Variants in CCDC178 observed in about 807,000 individuals in gnomAD.
The protein encoded by CCDC178 is coiled-coil domain-containing protein 178.
In CCDC178, 126 loss-of-function variants were observed where a neutral mutation model predicts 117.4. The ratio of observed to expected loss-of-function variants is 1.07; its 90% CI spans 0.93 to 1.24. The LOEUF is 1.24. Among genes scored for constraint, CCDC178 ranks in the 50% most tolerant of loss-of-function variants. The pLI, the probability that CCDC178 is intolerant of heterozygous loss-of-function variation, is 0.00. For synonymous variants in CCDC178, 283 were observed against 313.4 expected (o/e 0.90, Z 1.02); for missense variants, 1,030 against 986.9 (o/e 1.04, Z -0.59).
chr18:33,408,445 CATT>C (rs1342136414), intron 3 of CCDC178, among the ~76,000 whole-genome samples: 2 of 151,624 alleles, frequency 1.3e-5, no homozygotes, highest in African/African-American at 2.4e-5. Context: ...ATTTAACAAA[CATT>C]AGTGAATAGG....
chr18:32,956,603 C>A (rs1356899329), intron 22 of CCDC178: 1 of 152,180 alleles, frequency 6.6e-6, no homozygotes, highest in Non-Finnish European at 1.5e-5. Flanking sequence ...AATTTATCTA[C>A]AAAATGGACC....
rs1005463016 is a variant in CCDC178 at position 33,346,309 on chromosome 18, G to C, written c.560C>G (p.Ala187Gly). 16 of 1,613,410 alleles carry C rather than the reference G, an allele frequency of 9.9e-6. No homozygotes were observed. Among genetic ancestry groups the C allele is most frequent in the Non-Finnish European group, 1.4e-5 (16 of 1,179,478 alleles). Residue 187 changes from alanine (A) to glycine (G), a missense_variant, in exon 9 of 23, where the codon GCT becomes GGT. By Grantham distance (60) the Ala-to-Gly change is moderately conservative (BLOSUM62 0). Coordinates refer to ENST00000383096, the MANE Select transcript of CCDC178 (RefSeq NM_001105528.4). The part of the protein sequence containing the change: ...LETDRADAEE[A>G]LKQQRSRKNM... ...CTTTCTTGATCTCTGTTGTTTTAAA[G>C]CTTCTTCAGCGTCTGCCCGGTCAGT...
intron 2 of CCDC178, among the ~76,000 whole-genome samples, chr18:33,435,834 A>C (rs1214724542): frequency 6.6e-6 from 1 of 152,024 alleles, no homozygotes; most frequent in Non-Finnish European, 1.5e-5. Flanking sequence ...AGAGGGATCT[A>C]GAATGACTCC....
chr18:33,191,189 T>C (rs1480859439), intron 20 of CCDC178, among the ~76,000 whole-genome samples: 2 of 152,142 alleles, frequency 1.3e-5, no homozygotes, highest in Non-Finnish European at 2.9e-5. Flanking sequence ...GATGCCACCA[T>C]AGTGGTACTC....
At chr18:33,021,399 C>A (rs754991011) in intron 21 of CCDC178, among the ~76,000 whole-genome samples, 1 of 152,066 alleles carries the variant, frequency 6.6e-6, no homozygotes, top group Non-Finnish European at 1.5e-5. Context: ...GAGACTGCAT[C>A]TATGTTAAAA....
intron 2 of CCDC178, among the ~76,000 whole-genome samples, chr18:33,424,094 T>C (rs188832448): frequency 8.1e-4 from 123 of 152,310 alleles, no homozygotes; most frequent in East Asian, 3.9e-4. Flanking sequence ...TCCTTTATCT[T>C]TTCCAGTAAA....
At chr18:33,103,415 G>A (rs1447561097) in intron 20 of CCDC178, among the ~76,000 whole-genome samples, 2 of 151,502 alleles carry the variant, frequency 1.3e-5, no homozygotes, top group Non-Finnish European at 3.0e-5. Flanking sequence ...CATATCACGT[G>A]CTTAATGAAG....
chr18:33,221,736 G>A (rs1334591836), intron 18 of CCDC178, among the ~76,000 whole-genome samples: 1 of 151,906 alleles, frequency 6.6e-6, no homozygotes, highest in Non-Finnish European at 1.5e-5. Context: ...TCTTTTCCCT[G>A]GCAAAACAGA....
intron 3 of CCDC178, among the ~76,000 whole-genome samples, chr18:33,402,026 A>G (rs1599275261): frequency 6.6e-6 from 1 of 152,164 alleles, no homozygotes; most frequent in Admixed American, 6.5e-5. Context: ...ATACTGATAA[A>G]CAGTTGAATG....
intron 2 of CCDC178, among the ~76,000 whole-genome samples, chr18:33,414,826 T>C (rs994656993): frequency 9.2e-5 from 14 of 152,166 alleles, no homozygotes; most frequent in African/African-American, 3.4e-4. Context: ...ATATCCAGAA[T>C]CTACAAAGAA....
chr18:32,995,949 G>GTC lies in CCDC178; in HGVS notation c.2389-21270_2389-21269dup, dbSNP rs1444531502. Among the ~76,000 whole-genome samples the GTC allele has an allele frequency of 4.7e-5, 3 of 64,014 alleles. No individual in the cohort carries two copies. The East Asian group carries it at 1.6e-3, about 33-fold the overall frequency. 42.0% of individuals were successfully genotyped at this position (64,014 alleles called of 152,430 possible). ...TATCTATATCTATATCTATATCTATGTCTCTCTCTATATTTACATATATAT... is the reference window on the plus strand; with the variant it reads ...TATCTATATCTATATCTATATCTATGTCTCTCTCTCTATATTTACATATATAT... On this transcript the variant is annotated intron_variant, in intron 21 of 22. Coordinates refer to ENST00000383096, the MANE Select transcript of CCDC178 (RefSeq NM_001105528.4).
At chr18:33,166,199 G>A (rs972450857) in intron 20 of CCDC178, among the ~76,000 whole-genome samples, 1 of 152,146 alleles carries the variant, frequency 6.6e-6, no homozygotes, top group Non-Finnish European at 1.5e-5. Flanking sequence ...AGGGCTTATA[G>A]ATCACACTTT....
chr18:33,276,516 G>A (rs1257705084), intron 12 of CCDC178, among the ~76,000 whole-genome samples: 2 of 152,108 alleles, frequency 1.3e-5, no homozygotes, highest in Non-Finnish European at 1.5e-5. Flanking sequence ...GAAACCAGTA[G>A]AGGGAACTGA....
intron 11 of CCDC178, among the ~76,000 whole-genome samples, chr18:33,305,899 C>G (rs2062241414): frequency 6.6e-6 from 1 of 152,136 alleles, no homozygotes; most frequent in Non-Finnish European, 1.5e-5. Context: ...CTAGGGGAGA[C>G]TGCCTGAGAC....
rs771438462 is a variant in CCDC178 at position 33,293,295 on chromosome 18, A to G, written c.1040T>C (p.Leu347Pro). 4 of 1,509,700 alleles carry G rather than the reference A, an allele frequency of 2.6e-6. No homozygotes were observed. Among genetic ancestry groups the G allele is most frequent in the South Asian group, 2.4e-5 (2 of 83,598 alleles). 93.5% of individuals were successfully genotyped at this position (1,509,700 alleles called of 1,614,324 possible). ...AGAGTAATGATCAAATAGACTGTTA[A>G]GTTGATATATCTCTCTCCTAGGGAT... is the stretch of plus-strand genomic sequence containing the variant. ...IEAYKREIYQ[L>P]NSLFDHYSSS... The change falls in exon 12 of 23, where the codon CTT becomes CCT. Residue 347 changes from leucine (L) to proline (P), a missense_variant. Coordinates refer to ENST00000383096, the MANE Select transcript of CCDC178 (RefSeq NM_001105528.4).
rs2057897913 is a variant in CCDC178 at position 33,118,984 on chromosome 18, T to C, written c.2239-26074A>G. Among the ~76,000 whole-genome samples the C allele has an allele frequency of 2.0e-5, 3 of 152,168 alleles. No individual in the cohort carries two copies. In the South Asian group the frequency reaches 6.2e-4, roughly 32 times the overall value. ...TGATGCTGGGAAAACTGGCTAGCCATATGTAGAAAGCTGAAACTGGATCCC... is the reference window on the plus strand; with the variant it reads ...TGATGCTGGGAAAACTGGCTAGCCACATGTAGAAAGCTGAAACTGGATCCC... On this transcript the variant is annotated intron_variant, in intron 20 of 22. Coordinates refer to ENST00000383096, the MANE Select transcript of CCDC178 (RefSeq NM_001105528.4).
At chr18:32,948,570 G>A (rs1363687126) in intron 22 of CCDC178, among the ~76,000 whole-genome samples, 3 of 151,906 alleles carry the variant, frequency 2.0e-5, no homozygotes, top group Non-Finnish European at 4.4e-5. Flanking sequence ...TTTCTATATG[G>A]ATAAGCATGT....
chr18:33,387,517 A>T (rs1028300791), intron 5 of CCDC178, among the ~76,000 whole-genome samples: 3 of 152,192 alleles, frequency 2.0e-5, no homozygotes, highest in African/African-American at 7.2e-5. Flanking sequence ...ACAGGCACAT[A>T]GACCAATAGA....
intron 15 of CCDC178, among the ~76,000 whole-genome samples, chr18:33,240,739 G>C (rs2059477537): frequency 6.6e-6 from 1 of 151,776 alleles, no homozygotes; most frequent in African/African-American, 2.4e-5. Flanking sequence ...AAAAATTCAG[G>C]ACTAGATGTC....
Sources: gnomAD v4.1 joint callset for allele counts (sites outside exome capture counted in the v4.1 genomes callset) on GRCh38, gnomAD v4.1.1 for gene constraint, MANE v1.5 for transcripts, NCBI Gene and HGNC (gene_info 2026-07-23, HGNC 2026-07-21) for gene names.